WNT10A: variants seen among roughly 807,000 people sequenced by gnomAD.
WNT10A encodes Wnt family member 10A.
A neutral mutation model predicts 36.1 loss-of-function variants in WNT10A; 37 were observed. The observed-to-expected ratio is 1.02, with a 90% CI of 0.79 to 1.35. The LOEUF (loss-of-function observed/expected upper bound fraction) is 1.35, where lower values mean the gene tolerates loss of function less well. Ranked by LOEUF, WNT10A falls within the 40% of genes most tolerant of loss-of-function variation. The pLI is 0.00. For synonymous variants in WNT10A, 255 were observed against 254.1 expected (o/e 1.00, Z -0.03); for missense variants, 613 against 601.4 (o/e 1.02, Z -0.20).
upstream of WNT10A, among the ~76,000 whole-genome samples, chr2:218,879,338 G>T (rs894000352): frequency 6.6e-6 from 1 of 152,228 alleles, no homozygotes; most frequent in Admixed American, 6.5e-5. Flanking sequence ...GCCAGCAGGG[G>T]CTCTCTTCAG....
At chr2:218,874,159 A>G in the WNT10A span, 1 of 360,714 alleles carries the variant, frequency 2.8e-6, no homozygotes, top group East Asian at 4.6e-5. Flanking sequence ...AGGCCTCTGG[A>G]TACTGGGCTC....
intron 3 of WNT10A, 92 bp downstream of exon 3, chr2:218,890,455 T>G (rs1221768652): frequency 1.3e-6 from 2 of 1,561,188 alleles, no homozygotes; most frequent in African/African-American, 2.7e-5. Flanking sequence ...ACCACGTTGC[T>G]CCCACATGTC....
At chr2:218,879,283 C>CT (rs1057159740), upstream of WNT10A, among the ~76,000 whole-genome samples, 4 of 152,222 alleles carry the variant, frequency 2.6e-5, no homozygotes, top group Non-Finnish European at 5.9e-5. Context: ...AGGAATGGGC[C>CT]TTTTTTGTCT....
chr2:218,884,869 C>A (rs941103759), intron 2 of WNT10A, among the ~76,000 whole-genome samples: 1 of 152,206 alleles, frequency 6.6e-6, no homozygotes, highest in Non-Finnish European at 1.5e-5. Flanking sequence ...TGGGTGCTGA[C>A]CCCTTTTCTG....
Position 218,885,511 on chromosome 2 carries a change from G to A in WNT10A, c.376+3088G>A, listed in dbSNP as rs537314331. On this transcript the variant is annotated intron_variant, in intron 2 of 3. Coordinates refer to ENST00000258411, the MANE Select transcript of WNT10A (RefSeq NM_025216.3). ...GAGTAAGAGAGGAGGAGAGGTCAGG[G>A]AGAGGCTTGATGGAGGGAAATGTGG... Among the ~76,000 whole-genome samples the A allele has an allele frequency of 1.7e-4, 26 of 152,318 alleles. No homozygotes were observed. In the South Asian group the frequency reaches 3.1e-3, roughly 18 times the overall value.
intron 1 of WNT10A, 121 bp from the exon 2 acceptor site, chr2:218,882,040 C>A: frequency 1.5e-6 from 2 of 1,367,986 alleles, no homozygotes; most frequent in Non-Finnish European, 1.0e-6. Context: ...TGGGCCCAAC[C>A]TTCAGAAGCA....
At chr2:218,879,559 G>A (rs1377651526), upstream of WNT10A, among the ~76,000 whole-genome samples, 3 of 152,220 alleles carry the variant, frequency 2.0e-5, no homozygotes, top group African/African-American at 4.8e-5. Flanking sequence ...GTTCAGTTGG[G>A]GTGGAGGGAC....
upstream of WNT10A, among the ~76,000 whole-genome samples, chr2:218,879,072 C>A (rs1466945959): frequency 6.6e-6 from 1 of 151,546 alleles, no homozygotes; most frequent in Non-Finnish European, 1.5e-5. Flanking sequence ...ACTGCTCCCC[C>A]CCCACTGCCC....
chr2:218,888,321 G>A, intron 2 of WNT10A, among the ~76,000 whole-genome samples: 1 of 152,204 alleles, frequency 6.6e-6, no homozygotes, highest in East Asian at 1.9e-4. Flanking sequence ...TTGCAAGTAG[G>A]CCTCCCCCTG....
rs373695499 is a variant in WNT10A, at chr2:218,890,050, C to T, written c.443C>T (p.Ala148Val). 84 of 1,613,878 alleles carry T rather than the reference C, an allele frequency of 5.2e-5. No homozygotes were observed. Among genetic ancestry groups the T allele is most frequent in the Non-Finnish European group, 6.7e-5 (79 of 1,180,044 alleles). The change falls in exon 3 of 4, where the codon GCG (alanine) becomes GTG (valine). Residue 148 changes from alanine to valine, a missense_variant. Transcript: ENST00000258411. ...AAGVVHAVSN[A>V]CALGKLKACG... ...GGCGTGGTGCACGCCGTGTCCAATG[C>T]GTGTGCCCTGGGCAAACTGAAGGCC...
chr2:218,879,901 G>T (rs185315282), upstream of WNT10A, among the ~76,000 whole-genome samples: 4 of 152,278 alleles, frequency 2.6e-5, no homozygotes, highest in East Asian at 3.9e-4. Context: ...GTGCCACCCC[G>T]GGCGCTCCTA....
At chr2:218,888,448 A>G (rs1358851434) in intron 2 of WNT10A, among the ~76,000 whole-genome samples, 2 of 152,220 alleles carry the variant, frequency 1.3e-5, no homozygotes, top group South Asian at 2.1e-4. Context: ...TGGCTTGGTC[A>G]GGGAAAATCT....
At chr2:218,889,391 G>T (rs780786785) in intron 2 of WNT10A, among the ~76,000 whole-genome samples, 1 of 152,202 alleles carries the variant, frequency 6.6e-6, no homozygotes, top group Non-Finnish European at 1.5e-5. Context: ...ACATGCGTGT[G>T]CAAGTATCTT....
chr2:218,874,733 C>A, the WNT10A span, among the ~76,000 whole-genome samples: 11 of 152,136 alleles, frequency 7.2e-5, no homozygotes, highest in Non-Finnish European at 1.6e-4. Flanking sequence ...GTATGGAGGA[C>A]AAAAAATGAG....
At chr2:218,882,025 A>G in intron 1 of WNT10A, 136 bp from the exon 2 acceptor site, 2 of 1,172,902 alleles carry the variant, frequency 1.7e-6, no homozygotes, top group South Asian at 1.5e-5. Flanking sequence ...GTAGGAGTGT[A>G]CTGATGGGCC....
chr2:218,882,560 T>A, intron 2 of WNT10A, 137 bp downstream of exon 2: 1 of 1,171,122 alleles, frequency 8.5e-7, no homozygotes. Flanking sequence ...GCCCTGCTGC[T>A]CTCCTTCCTC....
chr2:218,880,874 C>A lies in WNT10A; in HGVS notation c.-122C>A. On this transcript the variant is annotated 5_prime_UTR_variant, in exon 1 of 4. Transcript: ENST00000258411. The surrounding 1 kb of genome is among the most constrained non-coding windows in gnomAD (Gnocchi z 7.7). The stretch of plus-strand genomic sequence containing the variant: ...GCCGTCTGCTCCGGGAGCCCTGACC[C>A]GAGTCGGAGCTGTGTGTCGCAGCCG... 8.0e-7 allele frequency: 1 copy of A among 1,251,536 alleles called. No homozygotes were observed. The highest frequency in any genetic ancestry group is 1.1e-6 in the Non-Finnish European group (1 of 945,860). 77.5% of individuals were successfully genotyped at this position (1,251,536 alleles called of 1,614,324 possible).
chr2:218,892,978 G>A lies in WNT10A; in HGVS notation c.961G>A (p.Ala321Thr). The change falls in exon 4 of 4, where the codon GCT (alanine) becomes ACT (threonine). Residue 321 changes from alanine (A) to threonine (T), a missense_variant. Physicochemically the swap from Ala to Thr is moderately conservative, Grantham distance 58 (BLOSUM62 0). Transcript: ENST00000258411. Reference protein sequence around the residue: ...EPGPAGAPSPAPGAPGPRRRA... With the variant: ...EPGPAGAPSPTPGAPGPRRRA... Reference sequence around the variant, plus strand: ...GGGCCCAGCGGGGGCACCCTCGCCGGCTCCGGGCGCTCCCGGGCCGCGCCG... The same window carrying A: ...GGGCCCAGCGGGGGCACCCTCGCCGACTCCGGGCGCTCCCGGGCCGCGCCG... 1 of 1,468,984 alleles carries A rather than the reference G, an allele frequency of 6.8e-7. No individual in the cohort carries two copies. The highest frequency in any genetic ancestry group is 8.9e-7 in the Non-Finnish European group (1 of 1,119,184). The allele number at this position is 1,468,984 out of a possible 1,614,324, so 91.0% of individuals were successfully genotyped here.
At chr2:218,879,987 G>A (rs533356376), upstream of WNT10A, among the ~76,000 whole-genome samples, 2 of 152,270 alleles carry the variant, frequency 1.3e-5, no homozygotes, top group South Asian at 2.1e-4. Flanking sequence ...CCCATGAGCC[G>A]CATTCCGCAA....
Sources: allele counts gnomAD v4.1 joint callset (sites outside exome capture counted in the v4.1 genomes callset), GRCh38; gene constraint gnomAD v4.1.1; non-coding constraint Gnocchi (gnomAD v3.1); transcripts MANE v1.5; gene names NCBI Gene and HGNC (gene_info 2026-07-23, HGNC 2026-07-21).